SH2D4B: variants seen among roughly 807,000 people sequenced by gnomAD.
The protein encoded by SH2D4B is SH2 domain-containing protein 4B.
SH2D4B carries 45 observed loss-of-function variants against 61.5 expected under a neutral mutation model. That is an observed-to-expected ratio of 0.73 (90% confidence interval 0.58 to 0.94). SH2D4B has a LOEUF of 0.94. Ranked by LOEUF, SH2D4B falls within the 40% of genes least tolerant of loss-of-function variation. SH2D4B has a pLI of 0.00. For synonymous variants in SH2D4B, 224 were observed against 220.4 expected (o/e 1.02, Z -0.14); for missense variants, 572 against 574.2 (o/e 1.00, Z 0.04).
chr10:80,575,475 T>A (rs757274790), intron 3 of SH2D4B, among the ~76,000 whole-genome samples: 1 of 152,068 alleles, frequency 6.6e-6, no homozygotes, highest in Non-Finnish European at 1.5e-5. Flanking sequence ...AACAAAGGGA[T>A]GTGGGCTGGG....
intron 6 of SH2D4B, among the ~76,000 whole-genome samples, chr10:80,627,000 G>A (rs1456873976): frequency 6.6e-6 from 1 of 152,186 alleles, no homozygotes; most frequent in African/African-American, 2.4e-5. Flanking sequence ...TTATAACAGG[G>A]TTGATAGGAA....
At chr10:80,587,134 TTTTTTTTTTTTGTTTTG>T (rs528772753) in intron 3 of SH2D4B, among the ~76,000 whole-genome samples, 17,287 of 85,858 alleles carry the variant, frequency 0.2, 2,239 homozygotes, top group African/African-American at 0.47. Flanking sequence ...GGCCACGTTT[TTTTTTTTTTTTGTTTTG>T]TTTTTTTTTT....
At chr10:80,604,511 G>A (rs1042480894) in intron 5 of SH2D4B, among the ~76,000 whole-genome samples, 1 of 152,284 alleles carries the variant, frequency 6.6e-6, no homozygotes, top group Middle Eastern at 3.4e-3. Flanking sequence ...GCTGGGTGGT[G>A]AGCACCTGCC....
At chr10:80,570,858 G>A (rs919323732) in intron 2 of SH2D4B, among the ~76,000 whole-genome samples, 1 of 151,944 alleles carries the variant, frequency 6.6e-6, no homozygotes. Flanking sequence ...ATTTACTTAT[G>A]AATTTATTTA....
chr10:80,546,106 G>A (rs1027116646), intron 1 of SH2D4B, among the ~76,000 whole-genome samples: 13 of 143,868 alleles, frequency 9.0e-5, no homozygotes, highest in Admixed American at 2.9e-4. Flanking sequence ...GTGCAGTGGT[G>A]CAATCTCAGC....
intron 1 of SH2D4B, among the ~76,000 whole-genome samples, chr10:80,541,537 A>T (rs191880127): frequency 1.3e-5 from 2 of 152,126 alleles, no homozygotes; most frequent in Admixed American, 1.3e-4. Flanking sequence ...GCCTAGAGTG[A>T]CACTGGGCCT....
chr10:80,580,155 T>C (rs193290417), intron 3 of SH2D4B, among the ~76,000 whole-genome samples: 31 of 152,326 alleles, frequency 2.0e-4, no homozygotes, highest in African/African-American at 7.2e-4. Context: ...ATGATGAGGT[T>C]CATAAATTTG....
chr10:80,549,815 T>C (rs1841733739), intron 1 of SH2D4B, among the ~76,000 whole-genome samples: 1 of 152,126 alleles, frequency 6.6e-6, no homozygotes, highest in African/African-American at 2.4e-5. Flanking sequence ...ACTTACCAGG[T>C]GGGCAGTGAG....
Position 80,646,015 on chromosome 10 carries a change from C to T in SH2D4B, c.*1930C>T, listed in dbSNP as rs1339137803. On this transcript the variant is annotated 3_prime_UTR_variant, in exon 8 of 8. Transcript: ENST00000646907. ...GCTCTCTGATTTACCAACTATGTGACTTTGTCCAAGTCATTTAACTTCAGT... is the reference window on the plus strand; with the variant it reads ...GCTCTCTGATTTACCAACTATGTGATTTTGTCCAAGTCATTTAACTTCAGT... 6.6e-6 allele frequency: 1 copy of T among 152,466 alleles called. No homozygotes were observed. Among genetic ancestry groups the T allele is most frequent in the Non-Finnish European group, 1.5e-5 (1 of 68,034 alleles). 9.4% of individuals were successfully genotyped at this position (152,466 alleles called of 1,614,324 possible). A position where few individuals can be genotyped will look rare whatever the true frequency, so the allele number is the denominator to read the frequency against.
At chr10:80,604,879 C>T (rs993206873) in intron 5 of SH2D4B, among the ~76,000 whole-genome samples, 14 of 152,154 alleles carry the variant, frequency 9.2e-5, no homozygotes, top group African/African-American at 2.9e-4. Flanking sequence ...CTGCAAGCTC[C>T]GCCTTCCAGA....
At chr10:80,600,933 C>A (rs956247545) in intron 4 of SH2D4B, among the ~76,000 whole-genome samples, 4 of 152,138 alleles carry the variant, frequency 2.6e-5, no homozygotes, top group African/African-American at 9.7e-5. Context: ...GTCTGCAAAG[C>A]CCATCCCGGG....
chr10:80,546,453 C>T (rs1841681758), intron 1 of SH2D4B, among the ~76,000 whole-genome samples: 1 of 152,058 alleles, frequency 6.6e-6, no homozygotes, highest in South Asian at 2.1e-4. Context: ...GCCTGTATCT[C>T]CCACCACAGC....
In SH2D4B at chr10:80,538,634, T is replaced by A. The variant is rs1841538590; in HGVS notation, c.184+119T>A. ...CACTGGGGTGATGAGGGCTGGGGGCTTGAAACCCTTGTCTTGTGGGCATCA... is the reference window on the plus strand; with the variant it reads ...CACTGGGGTGATGAGGGCTGGGGGCATGAAACCCTTGTCTTGTGGGCATCA... On this transcript the variant is annotated intron_variant, in intron 1 of 7. Coordinates refer to ENST00000646907, the MANE Select transcript of SH2D4B (RefSeq NM_001388272.1). The surrounding 1 kb of genome is among the most constrained non-coding windows in gnomAD (Gnocchi z 4.8). The A allele has an allele frequency of 1.2e-6, 1 of 854,376 alleles. No individual in the cohort carries two copies. 52.9% of individuals were successfully genotyped at this position (854,376 alleles called of 1,614,324 possible). A position where few individuals can be genotyped will look rare whatever the true frequency, so the allele number is the denominator to read the frequency against.
rs933168086 is a variant in SH2D4B at position 80,571,590 on chromosome 10, C to A, written c.495+12C>A. On this transcript the variant is annotated intron_variant, in intron 3 of 7. Coordinates refer to ENST00000646907, the MANE Select transcript of SH2D4B (RefSeq NM_001388272.1). ...ACGAGGAATTCAAGGTGGGCCAGCG[C>A]ATGGGGCCCCTGCGTGCGGCCACCT... The A allele has an allele frequency of 3.7e-6, 6 of 1,612,738 alleles. No homozygotes were observed. The Admixed American group carries it at 5.0e-5, about 13-fold the overall frequency.
Position 80,634,280 on chromosome 10 carries a change from A to G in SH2D4B, c.989-5A>G. On this transcript the variant is annotated splice_region_variant and splice_polypyrimidine_tract_variant and intron_variant, in intron 6 of 7. Transcript: ENST00000646907. ...GTTTTTTTGTTTTTTTCTATTTTAAATCAGGAATTATTAGCCGAGAAGATG... is the reference window on the plus strand; with the variant it reads ...GTTTTTTTGTTTTTTTCTATTTTAAGTCAGGAATTATTAGCCGAGAAGATG... 2 of 1,498,758 alleles carry G rather than the reference A, an allele frequency of 1.3e-6. No homozygotes were observed. The highest frequency in any genetic ancestry group is 1.8e-6 in the Non-Finnish European group (2 of 1,122,302). 92.8% of individuals were successfully genotyped at this position (1,498,758 alleles called of 1,614,324 possible).
intron 4 of SH2D4B, among the ~76,000 whole-genome samples, chr10:80,590,007 T>C (rs1236552379): frequency 6.6e-6 from 1 of 152,102 alleles, no homozygotes. Flanking sequence ...GGCCCAGAAA[T>C]GACACTTGTA....
intron 3 of SH2D4B, among the ~76,000 whole-genome samples, chr10:80,587,150 T>G (rs1431692830): frequency 1.5e-5 from 1 of 64,974 alleles, no homozygotes; most frequent in Non-Finnish European, 2.6e-5. Flanking sequence ...TTTTTTGTTT[T>G]GTTTTTTTTT....
chr10:80,637,844 G>C (rs538938101), intron 7 of SH2D4B, among the ~76,000 whole-genome samples: 36 of 152,334 alleles, frequency 2.4e-4, no homozygotes, highest in African/African-American at 8.4e-4. Context: ...TGGTGAGAGA[G>C]GGCATCCCTG....
At chr10:80,625,568 T>G (rs1842759997) in intron 6 of SH2D4B, among the ~76,000 whole-genome samples, 1 of 142,986 alleles carries the variant, frequency 7.0e-6, no homozygotes, top group South Asian at 2.1e-4. Context: ...ATTTTTTTTC[T>G]TTTTCTTTTT....
Sources: allele counts gnomAD v4.1 joint callset (sites outside exome capture counted in the v4.1 genomes callset), GRCh38; gene constraint gnomAD v4.1.1; non-coding constraint Gnocchi (gnomAD v3.1); transcripts MANE v1.5; gene names NCBI Gene and HGNC (gene_info 2026-07-23, HGNC 2026-07-21).